The following NFIC variants were observed in gnomAD, a reference collection of about 807,000 sequenced individuals.
NFIC encodes the protein nuclear factor 1 C-type.
A neutral mutation model predicts 54.4 loss-of-function variants in NFIC; 12 were observed. The observed-to-expected ratio is 0.22, with a 90% CI of 0.14 to 0.36. The LOEUF is 0.36. Among genes scored for constraint, NFIC ranks in the 10% least tolerant of loss-of-function variants. NFIC has a pLI of 1.00. For missense variants in NFIC, 575 were observed against 718.2 expected, an observed-to-expected ratio of 0.80 and a Z score of 2.28; for synonymous variants, 322 against 319.2, an observed-to-expected ratio of 1.01 and a Z score of -0.09.
intron 6 of NFIC, among the ~76,000 whole-genome samples, chr19:3,443,363 C>T (rs1459468683): frequency 1.3e-5 from 2 of 151,442 alleles, no homozygotes; most frequent in Admixed American, 6.6e-5. Flanking sequence ...GTCAAGGCTG[C>T]AGTAAGCTAT....
chr19:3,466,161 CAG>C lies in NFIC; in HGVS notation c.*3393_*3394del, dbSNP rs2082714671. Reference sequence around the variant, plus strand: ...GGGACAGCCAGGTGGCACCGAGTCACAGGCTGTGGTCCGGTGGCTGAGCATGC... The same window carrying C: ...GGGACAGCCAGGTGGCACCGAGTCACGCTGTGGTCCGGTGGCTGAGCATGC... On this transcript the variant is annotated 3_prime_UTR_variant, in exon 11 of 11. Coordinates refer to ENST00000443272, the MANE Select transcript of NFIC (RefSeq NM_001245002.2). This position sits in a 1 kb window ranked among gnomAD's most constrained non-coding sequence, Gnocchi z 4.8. 6.6e-6 allele frequency: 1 copy of C among 152,202 alleles called. No homozygotes were observed. The highest frequency in any genetic ancestry group is 6.5e-5 in the Admixed American group (1 of 15,282). 9.4% of individuals were successfully genotyped at this position (152,202 alleles called of 1,614,324 possible).
intron 1 of NFIC, among the ~76,000 whole-genome samples, chr19:3,373,408 C>T (rs561143749): frequency 6.6e-6 from 1 of 151,678 alleles, no homozygotes; most frequent in Non-Finnish European, 1.5e-5. Flanking sequence ...CTGTCCTTGT[C>T]CCCTCCTCAA....
chr19:3,393,299 C>T (rs2081404959), intron 2 of NFIC, among the ~76,000 whole-genome samples: 1 of 152,070 alleles, frequency 6.6e-6, no homozygotes. Flanking sequence ...AGGAGGGACC[C>T]TAGGGTCTCA....
chr19:3,390,477 G>A (rs991333276), intron 2 of NFIC, among the ~76,000 whole-genome samples: 6 of 152,130 alleles, frequency 3.9e-5, no homozygotes, highest in South Asian at 4.1e-4. Flanking sequence ...TTGTGCAGCC[G>A]GGAGGCCCAG....
At chr19:3,367,673 C>G (rs906216731) in intron 1 of NFIC, among the ~76,000 whole-genome samples, 4 of 152,352 alleles carry the variant, frequency 2.6e-5, no homozygotes, top group Middle Eastern at 3.4e-3. Flanking sequence ...TTCCTCCTTA[C>G]GCAGTGTGTC....
At chr19:3,411,737 G>A (rs901045577) in intron 2 of NFIC, among the ~76,000 whole-genome samples, 5 of 152,058 alleles carry the variant, frequency 3.3e-5, no homozygotes, top group Non-Finnish European at 5.9e-5. Context: ...CACATCCGGC[G>A]GCACACCCAT....
intron 2 of NFIC, among the ~76,000 whole-genome samples, chr19:3,390,170 C>A (rs973639145): frequency 1.3e-5 from 2 of 152,172 alleles, no homozygotes; most frequent in Admixed American, 6.5e-5. Context: ...ACCAAGTCAC[C>A]CTTTCCAGGT....
intron 6 of NFIC, among the ~76,000 whole-genome samples, chr19:3,435,422 G>A (rs2082185639): frequency 6.6e-6 from 1 of 152,234 alleles, no homozygotes. Flanking sequence ...CTGCGGCGAA[G>A]GAGGGCAGAG....
At chr19:3,451,355 G>A (rs991345712) in intron 7 of NFIC, among the ~76,000 whole-genome samples, 10 of 152,086 alleles carry the variant, frequency 6.6e-5, no homozygotes, top group Admixed American at 2.6e-4. Flanking sequence ...GAATTAGGCC[G>A]GGCACAGTGG....
rs10412720 is a variant in NFIC, at chr19:3,452,646, G to A, written c.1249G>A (p.Ala417Thr). ...TCTTGTCTCGCTGGCCTGCGACCCA[G>A]CCAGCCAGCAACCTGGACCGGTGAG... ...KDLVSLACDP[A>T]SQQPGPLNGS... Residue 417 changes from alanine (A) to threonine (T), a missense_variant, in exon 8 of 11, where the codon GCC (alanine) becomes ACC (threonine). Around this residue, in one of 3 missense-constraint regions of NFIC, gnomAD observed 447 missense variants for 526.9 expected, o/e 0.85. Transcript: ENST00000443272. This position sits in a 1 kb window ranked among gnomAD's most constrained non-coding sequence, Gnocchi z 5.3. The A allele has an allele frequency of 1.9e-6, 3 of 1,608,966 alleles. No individual in the cohort carries two copies. Among genetic ancestry groups the A allele is most frequent in the Non-Finnish European group, 1.7e-6 (2 of 1,177,846 alleles).
rs1204480718 is a variant in NFIC at position 3,469,118 on chromosome 19, A to T, written c.*6349A>T. 6.6e-6 allele frequency: 1 copy of T among 152,350 alleles called. No individual in the cohort carries two copies. Among genetic ancestry groups the T allele is most frequent in the East Asian group, 1.9e-4 (1 of 5,182 alleles). 9.4% of individuals were successfully genotyped at this position (152,350 alleles called of 1,614,324 possible). A position where few individuals can be genotyped will look rare whatever the true frequency, so the allele number is the denominator to read the frequency against. On this transcript the variant is annotated 3_prime_UTR_variant, in exon 11 of 11. Transcript: ENST00000443272. ...CTATGCAAAAAAAAAATGAAAATGA[A>T]AAAAGGGGGATTCCATAAAAGATTC...
chr19:3,361,749 G>T (rs2080814663), upstream of NFIC, among the ~76,000 whole-genome samples: 1 of 152,058 alleles, frequency 6.6e-6, no homozygotes. Context: ...CACTCCCGGA[G>T]GGACGGTTGG....
chr19:3,403,393 C>G (rs369805949), intron 2 of NFIC, among the ~76,000 whole-genome samples: 1 of 152,196 alleles, frequency 6.6e-6, no homozygotes, highest in South Asian at 2.1e-4. Flanking sequence ...TCCGTTTCCC[C>G]CTTTGTAAAG....
Position 3,463,152 on chromosome 19 carries a change from C to CGCCG in NFIC, c.*388_*391dup. The stretch of plus-strand genomic sequence containing the variant: ...CCGCCTGCTGCTCGGGAAGGACAGA[C>CGCCG]GCCGGCCGCCCGCCCGCGCCCCGGA... On this transcript the variant is annotated 3_prime_UTR_variant, in exon 11 of 11. Transcript: ENST00000443272. The CGCCG allele has an allele frequency of 5.5e-6, 6 of 1,091,554 alleles. No homozygotes were observed. Among genetic ancestry groups the CGCCG allele is most frequent in the Non-Finnish European group, 6.7e-6 (6 of 897,866 alleles). 67.6% of individuals were successfully genotyped at this position (1,091,554 alleles called of 1,614,324 possible).
chr19:3,464,179 CGACGCGGGGCCCAGCTGCGG>C lies in NFIC; in HGVS notation c.*1415_*1434del. 1 of 984,264 alleles carries C rather than the reference CGACGCGGGGCCCAGCTGCGG, an allele frequency of 1.0e-6. No individual in the cohort carries two copies. 61.0% of individuals were successfully genotyped at this position (984,264 alleles called of 1,614,324 possible). A position where few individuals can be genotyped will look rare whatever the true frequency, so the allele number is the denominator to read the frequency against. ...CCGTTTGCACTTTCATCGCCTACCC[CGACGCGGGGCCCAGCTGCGG>C]GACGTGCATCACGGCTGGGCCCCCA... On this transcript the variant is annotated 3_prime_UTR_variant, in exon 11 of 11. Transcript: ENST00000443272.
In NFIC at chr19:3,459,525, A is replaced by T. The variant is rs1177447826; in HGVS notation, c.1509+2890A>T. ...CACAGGCGGCTGCAGCCAGGCCAGCAGGATACCAGAGCCCAAACCTCCCCC... is the reference window on the plus strand; with the variant it reads ...CACAGGCGGCTGCAGCCAGGCCAGCTGGATACCAGAGCCCAAACCTCCCCC... On this transcript the variant is annotated intron_variant, in intron 10 of 10. Transcript: ENST00000443272. This position sits in a 1 kb window ranked among gnomAD's most constrained non-coding sequence, Gnocchi z 4.2. Among the ~76,000 whole-genome samples, 6 of 152,176 alleles carry T rather than the reference A, an allele frequency of 3.9e-5. No homozygotes were observed. Among genetic ancestry groups the T allele is most frequent in the Non-Finnish European group, 8.8e-5 (6 of 68,030 alleles).
intron 2 of NFIC, among the ~76,000 whole-genome samples, chr19:3,391,524 CG>C (rs1568415966): frequency 6.6e-6 from 1 of 151,648 alleles, no homozygotes; most frequent in Non-Finnish European, 1.5e-5. Flanking sequence ...AGGCCAGGCG[CG>C]GTGGCTCACA....
chr19:3,366,967 C>A lies in NFIC; in HGVS notation c.30+301C>A, dbSNP rs192180936. On this transcript the variant is annotated intron_variant, in intron 1 of 10. Coordinates refer to ENST00000443272, the MANE Select transcript of NFIC (RefSeq NM_001245002.2). ...TGGTCTGCAGATTTGCGTCCCCCCCCCACACACCGACGCACTCCGCACCCC... is the reference window on the plus strand; with the variant it reads ...TGGTCTGCAGATTTGCGTCCCCCCCACACACACCGACGCACTCCGCACCCC... Among the ~76,000 whole-genome samples, 1,446 of 150,694 alleles carry A rather than the reference C, an allele frequency of 9.6e-3. 23 individuals carry two copies. The highest frequency in any genetic ancestry group is 0.031 in the African/African-American group (1,253 of 41,016).
chr19:3,397,252 C>T (rs2081479431), intron 2 of NFIC, among the ~76,000 whole-genome samples: 1 of 152,184 alleles, frequency 6.6e-6, no homozygotes, highest in African/African-American at 2.4e-5. Context: ...AGCTAAGGAG[C>T]ACAGTCAGGA....
Sources: gnomAD v4.1 joint callset for allele counts (sites outside exome capture counted in the v4.1 genomes callset) on GRCh38, gnomAD v4.1.1 for gene constraint, gnomAD v4.1.1 regional missense constraint, Gnocchi (gnomAD v3.1) non-coding constraint, MANE v1.5 for transcripts, NCBI Gene and HGNC (gene_info 2026-07-23, HGNC 2026-07-21) for gene names.